Variants in TOX observed in about 807,000 individuals in gnomAD.
TOX encodes thymocyte selection-associated high mobility group box protein TOX.
In TOX, 11 loss-of-function variants were observed where a neutral mutation model predicts 53.7. The ratio of observed to expected loss-of-function variants is 0.20; its 90% CI spans 0.13 to 0.34. The LOEUF is 0.34. Ranked by LOEUF, TOX falls within the 10% of genes least tolerant of loss-of-function variation. TOX has a pLI of 1.00. For synonymous variants in TOX, 225 were observed against 245.3 expected, an observed-to-expected ratio of 0.92 and a Z score of 0.77; for missense variants, 570 against 664.6, an observed-to-expected ratio of 0.86 and a Z score of 1.56.
chr8:58,943,650 C>T (rs887346427), intron 2 of TOX, among the ~76,000 whole-genome samples: 3 of 150,190 alleles, frequency 2.0e-5, no homozygotes, highest in Non-Finnish European at 4.4e-5. Context: ...TAGAGGCCAC[C>T]AAGGAGTGAA....
intron 7 of TOX, among the ~76,000 whole-genome samples, chr8:58,809,440 T>C (rs1402850231): frequency 6.6e-6 from 1 of 152,242 alleles, no homozygotes; most frequent in Admixed American, 6.5e-5. Flanking sequence ...AATATTCTCA[T>C]TTCTCATTAT....
intron 1 of TOX, among the ~76,000 whole-genome samples, chr8:58,990,979 A>G (rs1813433911): frequency 6.6e-6 from 1 of 152,228 alleles, no homozygotes; most frequent in Admixed American, 6.5e-5. Flanking sequence ...CACTTACAAA[A>G]TTGAGCACTC....
chr8:58,973,563 T>G (rs1194106176), intron 1 of TOX, among the ~76,000 whole-genome samples: 2 of 152,212 alleles, frequency 1.3e-5, no homozygotes, highest in Non-Finnish European at 2.9e-5. Context: ...CAATATTCCT[T>G]GAGGTGTGAG....
At chr8:58,879,782 G>C (rs1349581091) in intron 3 of TOX, among the ~76,000 whole-genome samples, 1 of 151,878 alleles carries the variant, frequency 6.6e-6, no homozygotes, top group African/African-American at 2.4e-5. Flanking sequence ...AACAAACAAG[G>C]CTCTACTGGA....
At chr8:59,014,579 G>C (rs569485215) in intron 1 of TOX, among the ~76,000 whole-genome samples, 1 of 152,340 alleles carries the variant, frequency 6.6e-6, no homozygotes, top group South Asian at 2.1e-4. Context: ...AACTTGTGAA[G>C]AGTGGATGGA....
chr8:58,939,640 A>G (rs1812402230), intron 2 of TOX, 96 bp from the exon 3 acceptor site: 2 of 1,483,656 alleles, frequency 1.3e-6, no homozygotes, highest in Admixed American at 4.5e-5. Flanking sequence ...TATTACAAGC[A>G]GCATATGGAT....
At chr8:59,006,426 G>A (rs995115678) in intron 1 of TOX, among the ~76,000 whole-genome samples, 4 of 152,188 alleles carry the variant, frequency 2.6e-5, no homozygotes, top group African/African-American at 9.7e-5. Context: ...TGTGATGGAT[G>A]TTTGCACTGG....
At chr8:58,897,909 AG>A (rs1282046679) in intron 3 of TOX, among the ~76,000 whole-genome samples, 1 of 152,120 alleles carries the variant, frequency 6.6e-6, no homozygotes, top group Non-Finnish European at 1.5e-5. Flanking sequence ...TTTTAATTAA[AG>A]TTTTTCATGT....
chr8:58,813,639 G>T (rs1177458914), intron 7 of TOX, among the ~76,000 whole-genome samples: 1 of 152,178 alleles, frequency 6.6e-6, no homozygotes, highest in African/African-American at 2.4e-5. Context: ...TTAAGACAAG[G>T]CAGGGTGGTG....
intron 1 of TOX, among the ~76,000 whole-genome samples, chr8:59,080,025 C>T (rs1485210067): frequency 4.0e-5 from 6 of 151,382 alleles, no homozygotes; most frequent in Non-Finnish European, 8.8e-5. Context: ...CTCTGTCGCC[C>T]AGGCTGGAGT....
intron 5 of TOX, among the ~76,000 whole-genome samples, chr8:58,836,801 C>A (rs1041234425): frequency 2.6e-5 from 4 of 152,154 alleles, no homozygotes; most frequent in African/African-American, 9.7e-5. Flanking sequence ...AGGTACCAGG[C>A]ATGTAACTGT....
At chr8:58,939,570 T>A (rs751743086) in intron 2 of TOX, 26 bp from the exon 3 acceptor site, 15 of 1,586,360 alleles carry the variant, frequency 9.5e-6, no homozygotes, top group Non-Finnish European at 8.6e-7. Context: ...AGTGACATTG[T>A]TGCAAATTAT....
At chr8:59,075,427 C>T (rs1007551780) in intron 1 of TOX, among the ~76,000 whole-genome samples, 11 of 152,246 alleles carry the variant, frequency 7.2e-5, no homozygotes, top group African/African-American at 2.6e-4. Flanking sequence ...GACAGAGGGA[C>T]GCCAAGAGAT....
chr8:59,052,072 C>T (rs1429773232), intron 1 of TOX, among the ~76,000 whole-genome samples: 1 of 152,100 alleles, frequency 6.6e-6, no homozygotes, highest in Non-Finnish European at 1.5e-5. Flanking sequence ...ACAAAGCTTA[C>T]AAAGAAAATT....
chr8:59,032,531 A>T (rs552947732), intron 1 of TOX, among the ~76,000 whole-genome samples: 1 of 152,098 alleles, frequency 6.6e-6, no homozygotes, highest in Admixed American at 6.6e-5. Flanking sequence ...CTCCAATTGC[A>T]TTCCTCCTTC....
chr8:58,949,129 G>A (rs1812576048), intron 2 of TOX, among the ~76,000 whole-genome samples: 1 of 152,070 alleles, frequency 6.6e-6, no homozygotes, highest in South Asian at 2.1e-4. Flanking sequence ...GGATATATCA[G>A]GATTAAATAA....
intron 1 of TOX, among the ~76,000 whole-genome samples, chr8:59,105,893 G>A (rs1804891049): frequency 6.6e-6 from 1 of 152,068 alleles, no homozygotes; most frequent in South Asian, 2.1e-4. Flanking sequence ...TGATTAGTCT[G>A]GGGTATTGTA....
intron 1 of TOX, among the ~76,000 whole-genome samples, chr8:59,032,733 C>T (rs1225060585): frequency 2.0e-5 from 3 of 152,186 alleles, no homozygotes; most frequent in Admixed American, 6.5e-5. Context: ...GGCACAGTGG[C>T]TCACGCCTGT....
intron 1 of TOX, among the ~76,000 whole-genome samples, chr8:59,106,705 C>T (rs1380260356): frequency 6.6e-6 from 1 of 152,112 alleles, no homozygotes; most frequent in Non-Finnish European, 1.5e-5. Context: ...ACATTCCTGC[C>T]GGGTTGTCAA....
Sources: gnomAD v4.1 joint callset for allele counts (sites outside exome capture counted in the v4.1 genomes callset) on GRCh38, gnomAD v4.1.1 for gene constraint, MANE v1.5 for transcripts, NCBI Gene and HGNC (gene_info 2026-07-23, HGNC 2026-07-21) for gene names.